ABTB3: variants seen among roughly 807,000 people sequenced by gnomAD.
ABTB3 encodes ankyrin repeat and BTB domain containing 3.
chr12:107,632,812 G>A, the ABTB3 span, among the ~76,000 whole-genome samples: 1 of 152,158 alleles, frequency 6.6e-6, no homozygotes, highest in African/African-American at 2.4e-5. Context: ...AGTTCCTTGT[G>A]GCTGTAGGAC....
chr12:107,658,947 C>A, the ABTB3 span: 1 of 152,620 alleles, frequency 6.6e-6, no homozygotes, highest in Admixed American at 6.5e-5. Flanking sequence ...TTTATATCAA[C>A]AGGGTTTCGT....
At chr12:107,614,132 G>A in the ABTB3 span, among the ~76,000 whole-genome samples, 1 of 152,138 alleles carries the variant, frequency 6.6e-6, no homozygotes, top group Non-Finnish European at 1.5e-5. Flanking sequence ...TGCTCTGAGT[G>A]AAGCAGGCAT....
chr12:107,545,320 G>A, the ABTB3 span, among the ~76,000 whole-genome samples: 1 of 151,862 alleles, frequency 6.6e-6, no homozygotes, highest in Non-Finnish European at 1.5e-5. Flanking sequence ...TCTGCTCACT[G>A]CAACCTCTGC....
chr12:107,659,315 T>C, the ABTB3 span: 1 of 152,376 alleles, frequency 6.6e-6, no homozygotes, highest in Non-Finnish European at 1.5e-5. Context: ...GCGAGGCTGA[T>C]ACACAAGGCC....
At chr12:107,516,341 C>A in the ABTB3 span, among the ~76,000 whole-genome samples, 1 of 151,960 alleles carries the variant, frequency 6.6e-6, no homozygotes, top group Non-Finnish European at 1.5e-5. Context: ...AGTGATTTTC[C>A]TGCCTCAGCT....
chr12:107,610,131 T>A, the ABTB3 span: 1 of 1,602,220 alleles, frequency 6.2e-7, no homozygotes, highest in Non-Finnish European at 8.5e-7. Context: ...CTGCGGAGTT[T>A]GCTCCTGTGC....
At chr12:107,373,405 C>T in the ABTB3 span, among the ~76,000 whole-genome samples, 1 of 152,100 alleles carries the variant, frequency 6.6e-6, no homozygotes, top group African/African-American at 2.4e-5. Flanking sequence ...CTTCCTGGGC[C>T]TCTGCCTGGG....
the ABTB3 span, among the ~76,000 whole-genome samples, chr12:107,390,980 G>A: frequency 3.9e-5 from 6 of 152,122 alleles, no homozygotes; most frequent in South Asian, 4.1e-4. Context: ...GCAAAACCCT[G>A]TCTCTATTAA....
At chr12:107,468,057 T>C in the ABTB3 span, among the ~76,000 whole-genome samples, 49,774 of 152,044 alleles carry the variant, frequency 0.33, 8,827 homozygotes, top group African/African-American at 0.47. Context: ...TTTGCTGAAA[T>C]GCATCCATGG....
chr12:107,378,365 T>C, the ABTB3 span, among the ~76,000 whole-genome samples: 2 of 152,198 alleles, frequency 1.3e-5, no homozygotes, highest in African/African-American at 4.8e-5. Flanking sequence ...CTATTAATTA[T>C]TGAGCACTCA....
At chr12:107,436,810 AC>A in the ABTB3 span, among the ~76,000 whole-genome samples, 47 of 152,004 alleles carry the variant, frequency 3.1e-4, no homozygotes, top group African/African-American at 1.1e-3. Context: ...TGGAACACAT[AC>A]CCCCAAAGTA....
the ABTB3 span, among the ~76,000 whole-genome samples, chr12:107,637,014 T>C: frequency 6.6e-6 from 1 of 152,252 alleles, no homozygotes; most frequent in Admixed American, 6.5e-5. Flanking sequence ...GGCTCACGCC[T>C]GTAATCCCAG....
chr12:107,482,913 C>CTTCT, the ABTB3 span, among the ~76,000 whole-genome samples: 161 of 118,052 alleles, frequency 1.4e-3, 7 homozygotes, highest in African/African-American at 3.2e-3. Context: ...TCTCTTTCTT[C>CTTCT]TTCTTTCTTT....
the ABTB3 span, among the ~76,000 whole-genome samples, chr12:107,432,001 T>C: frequency 6.6e-6 from 1 of 152,224 alleles, no homozygotes; most frequent in Admixed American, 6.5e-5. Flanking sequence ...AAAAATGCTT[T>C]ATTTACTGCA....
chr12:107,566,310 G>A, the ABTB3 span, among the ~76,000 whole-genome samples: 20 of 151,498 alleles, frequency 1.3e-4, no homozygotes, highest in Non-Finnish European at 2.1e-4. Flanking sequence ...CTCTTTCTAC[G>A]TGGTGTCATT....
chr12:107,319,701 C>T, the ABTB3 span: 2 of 1,533,744 alleles, frequency 1.3e-6, no homozygotes, highest in East Asian at 2.5e-5. Flanking sequence ...CGGGTCGTGG[C>T]CTCCGGGGTG....
chr12:107,490,700 C>A, the ABTB3 span, among the ~76,000 whole-genome samples: 1 of 152,114 alleles, frequency 6.6e-6, no homozygotes, highest in Admixed American at 6.5e-5. Context: ...GTGACAGAGG[C>A]CAGGCAGGTA....
chr12:107,482,891 G>A, the ABTB3 span, among the ~76,000 whole-genome samples: 72 of 91,240 alleles, frequency 7.9e-4, no homozygotes, highest in South Asian at 0.018. Context: ...TTCTTCTCTC[G>A]TTCTCTCTCT....
At chr12:107,550,583 CT>C in the ABTB3 span, among the ~76,000 whole-genome samples, 22,291 of 134,886 alleles carry the variant, frequency 0.17, 1,645 homozygotes, top group East Asian at 0.31. Flanking sequence ...TTCTTTCTTT[CT>C]TTTTTTTTTT....
Sources: allele counts gnomAD v4.1 joint callset (sites outside exome capture counted in the v4.1 genomes callset), GRCh38; gene constraint gnomAD v4.1.1; transcripts MANE v1.5; gene names NCBI Gene and HGNC (gene_info 2026-07-23, HGNC 2026-07-21).